WT1: variants seen among roughly 807,000 people sequenced by gnomAD.
WT1 encodes WT1 transcription factor.
A neutral mutation model predicts 60.8 loss-of-function variants in WT1; 8 were observed. That is an observed-to-expected ratio of 0.13 (90% CI 0.08 to 0.24). WT1 has a LOEUF of 0.24. WT1 is among the 10% of genes least tolerant of loss of function. The pLI, the probability that WT1 is intolerant of heterozygous loss-of-function variation, is 1.00. For missense variants in WT1, 568 were observed against 711.8 expected (o/e 0.80, Z 2.30); for synonymous variants, 312 against 297.1 (o/e 1.05, Z -0.52).
chr11:32,405,573 AT>A, intron 5 of WT1, among the ~76,000 whole-genome samples: 1 of 151,032 alleles, frequency 6.6e-6, no homozygotes, highest in Non-Finnish European at 1.5e-5. Flanking sequence ...AAATATATAT[AT>A]TTTTCAATCC....
At chr11:32,417,684 A>G in intron 3 of WT1, 30 bp from the exon 4 acceptor site, 1 of 1,569,548 alleles carries the variant, frequency 6.4e-7, no homozygotes, top group East Asian at 2.2e-5. Context: ...AGTTAGAAAC[A>G]CATAACCACA....
Position 32,428,670 on chromosome 11 carries a change from G to A in WT1, c.662-51C>T, listed in dbSNP as rs566917019. Reference sequence around the variant, plus strand: ...AGTGTCAGCGGTGCTCTCGCAAGACGGGGCAGTGGGTCTGAACCAGCCACG... The same window carrying A: ...AGTGTCAGCGGTGCTCTCGCAAGACAGGGCAGTGGGTCTGAACCAGCCACG... On this transcript the variant is annotated intron_variant, in intron 1 of 9. Transcript: ENST00000452863. 7.5e-6 allele frequency: 12 copies of A among 1,592,938 alleles called. No homozygotes were observed. The South Asian group carries it at 1.2e-4, about 16-fold the overall frequency.
intron 5 of WT1, among the ~76,000 whole-genome samples, chr11:32,406,912 A>C (rs922810236): frequency 1.3e-5 from 2 of 152,102 alleles, no homozygotes; most frequent in Admixed American, 6.5e-5. Context: ...CAGCCTGGCC[A>C]ACATGGTGAA....
chr11:32,416,180 C>T (rs1378640571), intron 5 of WT1, among the ~76,000 whole-genome samples: 1 of 152,162 alleles, frequency 6.6e-6, no homozygotes, highest in Non-Finnish European at 1.5e-5. Flanking sequence ...GAACATGTGG[C>T]ATTATGGTTG....
intron 1 of WT1, among the ~76,000 whole-genome samples, chr11:32,432,259 C>A (rs990732070): frequency 1.3e-5 from 2 of 152,186 alleles, no homozygotes; most frequent in Non-Finnish European, 2.9e-5. Flanking sequence ...TTCCTCTCCC[C>A]TGGGGTTTGG....
rs1554945246 is a variant in WT1, at chr11:32,428,611, T to A, written c.670A>T (p.Thr224Ser). ...CTGGGCGTCCCGTCGAAGGTGACCG[T>A]GCTGTAACCTGCGGGAGCGGCGGAG... The change falls in exon 2 of 10, where the codon ACG (threonine) becomes TCG (serine). Residue 224 changes from threonine (T) to serine (S), a missense_variant. Around this residue, in one of 3 missense-constraint regions of WT1, gnomAD observed 523 missense variants for 565.1 expected, o/e 0.93. Transcript: ENST00000452863. 5.6e-6 allele frequency: 9 copies of A among 1,613,240 alleles called. No individual in the cohort carries two copies. Among genetic ancestry groups the A allele is most frequent in the Non-Finnish European group, 7.6e-6 (9 of 1,179,984 alleles).
chr11:32,434,781 A>C lies in WT1; in HGVS notation c.580T>G (p.Ser194Ala), dbSNP rs1400649104. ...GGAAACATCCTGGCCTGGCCGGATGACGCCTGGCTGGGCGGAGGAGGACCG... is the reference window on the plus strand; with the variant it reads ...GGAAACATCCTGGCCTGGCCGGATGCCGCCTGGCTGGGCGGAGGAGGACCG... The change falls in exon 1 of 10, where the codon TCA becomes GCA. Residue 194 changes from serine to alanine, a missense_variant. Around this residue, in one of 3 missense-constraint regions of WT1, gnomAD observed 523 missense variants for 565.1 expected, o/e 0.93. Transcript: ENST00000452863. 2.5e-6 allele frequency: 4 copies of C among 1,612,570 alleles called. No homozygotes were observed. Among genetic ancestry groups the C allele is most frequent in the Non-Finnish European group, 3.4e-6 (4 of 1,179,818 alleles).
In WT1 at chr11:32,434,743, G is replaced by A. The variant is rs1853434598; in HGVS notation, c.618C>T (p.Tyr206=). 2 of 1,612,980 alleles carry A rather than the reference G, an allele frequency of 1.2e-6. No individual in the cohort carries two copies. The highest frequency in any genetic ancestry group is 1.7e-6 in the Non-Finnish European group (2 of 1,179,952). ...GCTGGCTCTCGAGGCAGCTGGGCAG[G>A]TAGGGCGCGTTAGGAAACATCCTGG... is the stretch of plus-strand genomic sequence containing the variant. Residue 206 remains tyrosine, a synonymous_variant, in exon 1 of 10, where the codon TAC becomes TAT. Transcript: ENST00000452863.
rs192917634 is a variant in WT1 at position 32,405,989 on chromosome 11, G to A, written c.1017-5945C>T. On this transcript the variant is annotated intron_variant, in intron 5 of 9. Coordinates refer to ENST00000452863, the MANE Select transcript of WT1 (RefSeq NM_024426.6). The stretch of plus-strand genomic sequence containing the variant: ...ACGACTCCCAGCTCTTTTCTCCAGC[G>A]GGATGAATGAAATTAGGCATGCTGA... Among the ~76,000 whole-genome samples the A allele has an allele frequency of 1.7e-4, 26 of 152,246 alleles. 1 individual carries two copies. The East Asian group carries it at 4.6e-3, about 27-fold the overall frequency.
intron 5 of WT1, among the ~76,000 whole-genome samples, chr11:32,411,825 G>A (rs1316727078): frequency 6.6e-5 from 10 of 152,106 alleles, no homozygotes; most frequent in South Asian, 2.1e-4. Flanking sequence ...CCCATTCTTC[G>A]TTCTGGTTGG....
chr11:32,390,352 C>T (rs1851779357), intron 9 of WT1, among the ~76,000 whole-genome samples: 2 of 152,256 alleles, frequency 1.3e-5, no homozygotes, highest in South Asian at 4.1e-4. Context: ...AGTCTGCTGG[C>T]AAAACAGGTC....
intron 7 of WT1, among the ~76,000 whole-genome samples, chr11:32,395,669 C>T (rs1851947531): frequency 6.6e-6 from 1 of 152,162 alleles, no homozygotes; most frequent in East Asian, 1.9e-4. Context: ...ACCTTGTTGG[C>T]CAGGCTGGTC....
chr11:32,427,038 G>A (rs898600649), intron 3 of WT1, among the ~76,000 whole-genome samples: 5 of 152,216 alleles, frequency 3.3e-5, no homozygotes, highest in Non-Finnish European at 7.4e-5. Context: ...GGATGGGGAT[G>A]GGTTTGGGGG....
chr11:32,411,431 C>T (rs1385116646), intron 5 of WT1, among the ~76,000 whole-genome samples: 7 of 152,206 alleles, frequency 4.6e-5, no homozygotes, highest in Non-Finnish European at 1.0e-4. Context: ...AATTGAATCT[C>T]ACCTGAAGCC....
intron 9 of WT1, among the ~76,000 whole-genome samples, chr11:32,390,649 C>G (rs1319815530): frequency 6.6e-6 from 1 of 152,204 alleles, no homozygotes; most frequent in East Asian, 1.9e-4. Flanking sequence ...CCAACCCCAC[C>G]TCCAGCAGTG....
intron 5 of WT1, among the ~76,000 whole-genome samples, chr11:32,409,599 T>C (rs751838660): frequency 4.6e-5 from 7 of 151,956 alleles, no homozygotes; most frequent in African/African-American, 1.2e-4. Flanking sequence ...GCTGGGACTA[T>C]AGGCATGCCA....
intron 9 of WT1, 82 bp from the exon 10 acceptor site, chr11:32,389,261 T>A (rs1449246232): frequency 6.2e-7 from 1 of 1,608,024 alleles, no homozygotes; most frequent in Non-Finnish European, 8.5e-7. Context: ...AGTGAAGTCA[T>A]CACAAGGCAC....
chr11:32,394,992 G>A (rs1851924913), intron 7 of WT1, among the ~76,000 whole-genome samples: 1 of 152,164 alleles, frequency 6.6e-6, no homozygotes, highest in African/African-American at 2.4e-5. Flanking sequence ...TCCCATTTGG[G>A]GAAATGTGTA....
chr11:32,416,892 G>A (rs1305279146), intron 4 of WT1, among the ~76,000 whole-genome samples: 1 of 152,156 alleles, frequency 6.6e-6, no homozygotes, highest in African/African-American at 2.4e-5. Flanking sequence ...ATAAGATGAG[G>A]TAACCTGGAA....
Sources: allele counts gnomAD v4.1 joint callset (sites outside exome capture counted in the v4.1 genomes callset), GRCh38; gene constraint gnomAD v4.1.1; regional missense constraint gnomAD v4.1.1; transcripts MANE v1.5; gene names NCBI Gene and HGNC (gene_info 2026-07-23, HGNC 2026-07-21).